The following CRB1 variants were observed in gnomAD, a reference collection of about 807,000 sequenced individuals.
CRB1 encodes protein crumbs homolog 1.
In CRB1, 83 loss-of-function variants were observed where a neutral mutation model predicts 120.0. That is an observed-to-expected ratio of 0.69 (90% CI 0.58 to 0.83). The LOEUF is 0.83. Among genes scored for constraint, CRB1 ranks in the 40% least tolerant of loss-of-function variants. CRB1 has a pLI of 0.00. For synonymous variants in CRB1, 625 were observed against 612.5 expected, an observed-to-expected ratio of 1.02 and a Z score of -0.30; for missense variants, 1,699 against 1,687.6, an observed-to-expected ratio of 1.01 and a Z score of -0.12.
At chr1:197,473,247 G>A (rs989903360) in intron 11 of CRB1, among the ~76,000 whole-genome samples, 2 of 152,186 alleles carry the variant, frequency 1.3e-5, no homozygotes. Flanking sequence ...AGTGCATGCT[G>A]TTTCCAGTTC....
intron 11 of CRB1, chr1:197,444,524 C>T (rs1374719354): frequency 6.6e-6 from 1 of 152,138 alleles, no homozygotes; most frequent in Non-Finnish European, 1.5e-5. Context: ...ACATTTACTC[C>T]CTTCTAGACA....
chr1:197,265,989 C>T (rs1654621865), upstream of CRB1, among the ~76,000 whole-genome samples: 1 of 152,082 alleles, frequency 6.6e-6, no homozygotes, highest in African/African-American at 2.4e-5. Context: ...AATCAAACTT[C>T]CTTGATTTTG....
At chr1:197,298,669 A>G (rs1262448131) in intron 1 of CRB1, among the ~76,000 whole-genome samples, 9 of 152,142 alleles carry the variant, frequency 5.9e-5, no homozygotes, top group Non-Finnish European at 8.8e-5. Flanking sequence ...AACAATTTTA[A>G]AAGGATGACA....
intron 5 of CRB1, among the ~76,000 whole-genome samples, chr1:197,413,110 T>G (rs1336903827): frequency 6.6e-6 from 1 of 152,192 alleles, no homozygotes; most frequent in African/African-American, 2.4e-5. Context: ...TTCTAGGGGC[T>G]TCATGACCTC....
intron 4 of CRB1, among the ~76,000 whole-genome samples, chr1:197,351,045 G>T (rs550729015): frequency 6.6e-6 from 1 of 151,880 alleles, no homozygotes; most frequent in African/African-American, 2.4e-5. Flanking sequence ...GGCACCCATA[G>T]AAAAGAGCAT....
chr1:197,324,724 T>C (rs1201257828), intron 1 of CRB1, among the ~76,000 whole-genome samples: 1 of 152,200 alleles, frequency 6.6e-6, no homozygotes, highest in Non-Finnish European at 1.5e-5. Flanking sequence ...GCTTATCCAC[T>C]ATATATATGG....
At chr1:197,286,208 G>T (rs1655816461) in intron 1 of CRB1, among the ~76,000 whole-genome samples, 1 of 151,822 alleles carries the variant, frequency 6.6e-6, no homozygotes, top group African/African-American at 2.4e-5. Flanking sequence ...CTAGAAAATA[G>T]AGAGAAGGTT....
At chr1:197,292,004 AC>A (rs1656212518) in intron 1 of CRB1, among the ~76,000 whole-genome samples, 1 of 152,086 alleles carries the variant, frequency 6.6e-6, no homozygotes, top group Admixed American at 6.6e-5. Context: ...CACAATTAAA[AC>A]AACTAGAGAA....
intron 1 of CRB1, among the ~76,000 whole-genome samples, chr1:197,322,024 A>C (rs1658225178): frequency 6.6e-6 from 1 of 152,202 alleles, no homozygotes; most frequent in Admixed American, 6.5e-5. Flanking sequence ...CTGTACAAAA[A>C]TGCGAGAAAA....
intron 5 of CRB1, among the ~76,000 whole-genome samples, chr1:197,362,567 A>T (rs1249706176): frequency 6.6e-6 from 1 of 152,050 alleles, no homozygotes; most frequent in African/African-American, 2.4e-5. Flanking sequence ...TGATATATAC[A>T]CATTTAGGGT....
At chr1:197,428,068 C>A in intron 7 of CRB1, 67 bp downstream of exon 7, 1 of 1,390,870 alleles carries the variant, frequency 7.2e-7, no homozygotes, top group Non-Finnish European at 1.0e-6. Flanking sequence ...AAAAAGATAA[C>A]TTATTAAAAC....
chr1:197,353,814 T>TAAAAAAAAAAAAA (rs57274486), intron 4 of CRB1, among the ~76,000 whole-genome samples: 1 of 89,426 alleles, frequency 1.1e-5, no homozygotes, highest in Non-Finnish European at 2.1e-5. Context: ...AATATATAAA[T>TAAAAAAAAAAAAA]AAAAAAAAAA....
At chr1:197,467,765 A>T (rs191937576) in intron 11 of CRB1, among the ~76,000 whole-genome samples, 2 of 152,330 alleles carry the variant, frequency 1.3e-5, no homozygotes, top group Non-Finnish European at 2.9e-5. Flanking sequence ...AATGCAAGTT[A>T]GTAGACGACC....
chr1:197,209,805 C>T, the CRB1 span, among the ~76,000 whole-genome samples: 2 of 152,206 alleles, frequency 1.3e-5, no homozygotes, highest in African/African-American at 4.8e-5. Context: ...AAATTTGTCT[C>T]AGCTCCAGGT....
At chr1:197,476,707 T>G (rs1336429747) in intron 11 of CRB1, among the ~76,000 whole-genome samples, 1 of 152,116 alleles carries the variant, frequency 6.6e-6, no homozygotes, top group East Asian at 1.9e-4. Flanking sequence ...AAACACAGAT[T>G]TCATTTGTAA....
chr1:197,277,256 C>T (rs898495570), intron 1 of CRB1, among the ~76,000 whole-genome samples: 2 of 151,912 alleles, frequency 1.3e-5, no homozygotes, highest in African/African-American at 4.8e-5. Flanking sequence ...CTAGATTAAC[C>T]GCATTGTGTA....
At chr1:197,210,774 G>T in the CRB1 span, among the ~76,000 whole-genome samples, 1 of 152,076 alleles carries the variant, frequency 6.6e-6, no homozygotes, top group Admixed American at 6.6e-5. Flanking sequence ...GAAAGTAACA[G>T]GTGGGACAAG....
chr1:197,357,103 C>G (rs1660526546), intron 5 of CRB1, 90 bp downstream of exon 5: 2 of 1,315,402 alleles, frequency 1.5e-6, no homozygotes, highest in Non-Finnish European at 2.2e-6. Context: ...GCAGGAAGAG[C>G]TGTACTGTGT....
chr1:197,443,882 A>G, intron 11 of CRB1: 1 of 151,848 alleles, frequency 6.6e-6, no homozygotes, highest in East Asian at 1.9e-4. Flanking sequence ...GTGTAGATAT[A>G]CCCTTCCAAA....
Sources: gnomAD v4.1 joint callset for allele counts (sites outside exome capture counted in the v4.1 genomes callset) on GRCh38, gnomAD v4.1.1 for gene constraint, MANE v1.5 for transcripts, NCBI Gene and HGNC (gene_info 2026-07-23, HGNC 2026-07-21) for gene names.